Variants in PTPRD observed in about 807,000 individuals in gnomAD.
PTPRD encodes receptor-type tyrosine-protein phosphatase delta.
A neutral mutation model predicts 214.5 loss-of-function variants in PTPRD; 34 were observed. That is an observed-to-expected ratio of 0.16 (90% CI 0.12 to 0.21). The LOEUF is 0.21. PTPRD is among the 10% of genes least tolerant of loss of function. The probability of loss-of-function intolerance (pLI) is 1.00; values close to 1 mark genes in which losing one functional copy is unlikely to be tolerated. For synonymous variants in PTPRD, 1,128 were observed against 845.7 expected (o/e 1.33, Z -5.79); for missense variants, 2,545 against 2,398.7 (o/e 1.06, Z -1.27).
chr9:8,811,979 TG>T (rs2096817639), intron 11 of PTPRD, among the ~76,000 whole-genome samples: 1 of 152,072 alleles, frequency 6.6e-6, no homozygotes, highest in South Asian at 2.1e-4. Flanking sequence ...TCAACACAGA[TG>T]GGGGAATTCT....
intron 4 of PTPRD, among the ~76,000 whole-genome samples, chr9:9,940,375 T>C (rs1433079640): frequency 2.0e-5 from 3 of 152,202 alleles, no homozygotes; most frequent in East Asian, 3.9e-4. Context: ...AGCCTGTCAA[T>C]GAACTCCATC....
At chr9:9,090,828 C>CT (rs1268082624) in intron 10 of PTPRD, 2 of 744,854 alleles carry the variant, frequency 2.7e-6, no homozygotes, top group Non-Finnish European at 4.9e-6. Flanking sequence ...TCAATGATAT[C>CT]TTATTCCATT....
intron 2 of PTPRD, among the ~76,000 whole-genome samples, chr9:10,442,255 T>A (rs1199963454): frequency 6.6e-6 from 1 of 151,708 alleles, no homozygotes; most frequent in African/African-American, 2.4e-5. Flanking sequence ...TTTCCAAAGT[T>A]ATTATCCTTT....
chr9:10,068,880 C>T (rs1376104164), intron 3 of PTPRD, among the ~76,000 whole-genome samples: 2 of 151,954 alleles, frequency 1.3e-5, no homozygotes, highest in African/African-American at 4.8e-5. Flanking sequence ...CCCTACATAT[C>T]CATAAAGAAT....
chr9:10,524,516 G>GAA (rs925098882), intron 2 of PTPRD, among the ~76,000 whole-genome samples: 1 of 148,172 alleles, frequency 6.7e-6, no homozygotes, highest in Admixed American at 6.7e-5. Context: ...ATATTTTTCA[G>GAA]AAAAAAAAAA....
Position 10,305,427 on chromosome 9 carries a change from G to A in PTPRD, c.-545+35536C>T, listed in dbSNP as rs144756620. On this transcript the variant is annotated intron_variant, in intron 3 of 45. Transcript: ENST00000381196. ...AAGCCAAAATTGACAAATGGGATCT[G>A]ATTAAACTAAAGAGCTTCTGCACAG... Among the ~76,000 whole-genome samples the A allele has an allele frequency of 7.7e-4, 112 of 144,530 alleles. 2 individuals are homozygous for A. In the South Asian group the frequency reaches 0.022, roughly 28 times the overall value. The allele number at this position is 144,530 out of a possible 152,430, so 94.8% of individuals were successfully genotyped here.
chr9:10,350,546 A>C (rs2097163995), intron 2 of PTPRD, among the ~76,000 whole-genome samples: 1 of 152,146 alleles, frequency 6.6e-6, no homozygotes, highest in Non-Finnish European at 1.5e-5. Context: ...CCTCATTACA[A>C]TATACAAAAC....
chr9:8,729,251 C>T (rs980377973), intron 12 of PTPRD, among the ~76,000 whole-genome samples: 4 of 152,094 alleles, frequency 2.6e-5, no homozygotes, highest in Admixed American at 2.6e-4. Flanking sequence ...TCTAAGAAGC[C>T]TTTTTTTAAC....
At chr9:10,268,756 C>G (rs1290816717) in intron 3 of PTPRD, among the ~76,000 whole-genome samples, 1 of 152,214 alleles carries the variant, frequency 6.6e-6, no homozygotes, top group African/African-American at 2.4e-5. Flanking sequence ...GAACAACTCT[C>G]TCAACGGCTA....
rs546533310 is a variant in PTPRD, at chr9:8,613,539, C to T, written c.352+19778G>A. Reference sequence around the variant, plus strand: ...CATAGCATCACAGACTCTCTGACATCATCATGCTGTGTTTTTTACCCAAAG... The same window carrying T: ...CATAGCATCACAGACTCTCTGACATTATCATGCTGTGTTTTTTACCCAAAG... On this transcript the variant is annotated intron_variant, in intron 14 of 45. Coordinates refer to ENST00000381196, the MANE Select transcript of PTPRD (RefSeq NM_002839.4). 3.3e-5 allele frequency among the ~76,000 whole-genome samples: 5 copies of T among 152,214 alleles called. No individual in the cohort carries two copies. The South Asian group carries it at 6.2e-4, about 19-fold the overall frequency.
At chr9:9,980,118 A>G (rs182622885) in intron 4 of PTPRD, among the ~76,000 whole-genome samples, 88 of 152,312 alleles carry the variant, frequency 5.8e-4, no homozygotes, top group African/African-American at 2.0e-3. Flanking sequence ...GAAAAAATCA[A>G]TATTTCAAAA....
At chr9:9,345,947 A>T (rs1050909258) in intron 9 of PTPRD, among the ~76,000 whole-genome samples, 1 of 152,116 alleles carries the variant, frequency 6.6e-6, no homozygotes, top group Non-Finnish European at 1.5e-5. Context: ...TTCTTTATTC[A>T]TGAATCTGTT....
intron 5 of PTPRD, among the ~76,000 whole-genome samples, chr9:9,926,003 T>C (rs996128382): frequency 6.6e-6 from 1 of 152,000 alleles, no homozygotes; most frequent in Non-Finnish European, 1.5e-5. Context: ...AAATTTTTTT[T>C]AAGTTTTTGT....
intron 3 of PTPRD, among the ~76,000 whole-genome samples, chr9:10,036,235 C>A (rs1173937786): frequency 6.6e-6 from 1 of 152,030 alleles, no homozygotes; most frequent in Non-Finnish European, 1.5e-5. Context: ...CTTTCTCAGG[C>A]CTATTTTAAT....
chr9:9,500,073 T>C (rs1350009669), intron 8 of PTPRD, among the ~76,000 whole-genome samples: 1 of 152,120 alleles, frequency 6.6e-6, no homozygotes, highest in African/African-American at 2.4e-5. Flanking sequence ...GAATGGGCTG[T>C]AAAAAACTGC....
At chr9:9,931,459 G>T (rs375950828) in intron 5 of PTPRD, among the ~76,000 whole-genome samples, 4 of 152,294 alleles carry the variant, frequency 2.6e-5, no homozygotes, top group African/African-American at 9.6e-5. Flanking sequence ...CAAAGAAAGG[G>T]GTGACAGATG....
At chr9:9,359,403 T>C (rs542495760) in intron 9 of PTPRD, among the ~76,000 whole-genome samples, 1 of 151,312 alleles carries the variant, frequency 6.6e-6, no homozygotes, top group East Asian at 1.9e-4. Context: ...TCTATAAAAA[T>C]GTCCCCTGAT....
intron 8 of PTPRD, among the ~76,000 whole-genome samples, chr9:9,499,174 A>G (rs950584075): frequency 9.2e-5 from 14 of 152,162 alleles, no homozygotes; most frequent in African/African-American, 3.4e-4. Context: ...CGACATTCAG[A>G]TAGTAGAATA....
At chr9:9,315,487 C>G (rs1962261786) in intron 9 of PTPRD, among the ~76,000 whole-genome samples, 1 of 151,860 alleles carries the variant, frequency 6.6e-6, no homozygotes, top group South Asian at 2.1e-4. Flanking sequence ...ATTCCAAAGT[C>G]TATGTTTTTC....
Sources: allele counts gnomAD v4.1 joint callset (sites outside exome capture counted in the v4.1 genomes callset), GRCh38; gene constraint gnomAD v4.1.1; transcripts MANE v1.5; gene names NCBI Gene and HGNC (gene_info 2026-07-23, HGNC 2026-07-21).